Variants in ABI3BP observed in about 807,000 individuals in gnomAD.
ABI3BP encodes the protein target of Nesh-SH3.
In ABI3BP, 216 loss-of-function variants were observed where a neutral mutation model predicts 268.6. The observed-to-expected ratio is 0.80, with a 90% CI of 0.72 to 0.90. The LOEUF is 0.90. Among genes scored for constraint, ABI3BP ranks in the 40% least tolerant of loss-of-function variants. The pLI is 0.00. For synonymous variants in ABI3BP, 730 were observed against 730.0 expected (o/e 1.00, Z 0.00); for missense variants, 2,090 against 2,182.4 (o/e 0.96, Z 0.84).
At chr3:100,855,819 A>T (rs1281234857) in intron 14 of ABI3BP, among the ~76,000 whole-genome samples, 1 of 152,254 alleles carries the variant, frequency 6.6e-6, no homozygotes, top group Admixed American at 6.5e-5. Flanking sequence ...CTAGAGGAGA[A>T]AAACAATACC....
chr3:100,841,198 T>G (rs916974117), intron 21 of ABI3BP, among the ~76,000 whole-genome samples: 2 of 85,332 alleles, frequency 2.3e-5, no homozygotes, highest in African/African-American at 1.1e-4. Context: ...AGAACACTTT[T>G]TTTTTTTTTT....
chr3:100,962,413 CT>C (rs1246513132), intron 1 of ABI3BP, among the ~76,000 whole-genome samples: 2 of 151,958 alleles, frequency 1.3e-5, no homozygotes, highest in Non-Finnish European at 2.9e-5. Context: ...CAACTTGGTC[CT>C]CATCTTTGAC....
rs564174020 is a variant in ABI3BP, at chr3:100,958,151, TAAGACA to T, written c.80-31676_80-31671del. On this transcript the variant is annotated intron_variant, in intron 1 of 67. Transcript: ENST00000471714. Reference sequence around the variant, plus strand: ...TCCCTAATAGACTATATTCTGAATATAAGACAATGAGTTTCATTGTAAGTCTCACCT... The same window carrying T: ...TCCCTAATAGACTATATTCTGAATATATGAGTTTCATTGTAAGTCTCACCT... Among the ~76,000 whole-genome samples the T allele has an allele frequency of 1.2e-4, 19 of 152,356 alleles. No homozygotes were observed. The South Asian group carries it at 3.7e-3, about 30-fold the overall frequency.
chr3:100,846,523 C>T (rs2098770780), intron 19 of ABI3BP, 77 bp from the exon 20 acceptor site: 1 of 1,053,676 alleles, frequency 9.5e-7, no homozygotes, highest in Admixed American at 2.4e-5. Context: ...AGAAGGAAAA[C>T]CTAGAAATAA....
intron 28 of ABI3BP, among the ~76,000 whole-genome samples, 169 bp downstream of exon 28, chr3:100,835,432 T>C (rs1408344631): frequency 6.6e-6 from 1 of 152,176 alleles, no homozygotes; most frequent in Admixed American, 6.5e-5. Flanking sequence ...TATAACCAAG[T>C]AACTTGTTTT....
intron 51 of ABI3BP, among the ~76,000 whole-genome samples, chr3:100,800,049 T>G (rs2097481960): frequency 6.6e-6 from 1 of 152,164 alleles, no homozygotes; most frequent in African/African-American, 2.4e-5. Context: ...GTCACCCTTC[T>G]CTCCATAACA....
Position 100,779,604 on chromosome 3 carries a change from ACTCT to A in ABI3BP, c.4240+524_4240+527del, listed in dbSNP as rs138554435. ...TGCCTGGTATACTAGTAAGAGAAAG[ACTCT>A]CTCTCTCTCTCTCTCTCTCTCTCTA... On this transcript the variant is annotated intron_variant, in intron 58 of 67. Transcript: ENST00000471714. 9.1e-3 allele frequency among the ~76,000 whole-genome samples: 1,239 copies of A among 135,436 alleles called. 8 individuals are homozygous for A. The highest frequency in any genetic ancestry group is 0.016 in the African/African-American group (593 of 36,546). 88.9% of individuals were successfully genotyped at this position (135,436 alleles called of 152,430 possible).
intron 4 of ABI3BP, among the ~76,000 whole-genome samples, chr3:100,890,875 C>A (rs554759125): frequency 6.6e-6 from 1 of 152,026 alleles, no homozygotes; most frequent in Non-Finnish European, 1.5e-5. Flanking sequence ...AGTATATTTT[C>A]TTACATGAAT....
At chr3:100,817,611 A>G in intron 41 of ABI3BP, 116 bp from the exon 42 acceptor site, 1 of 695,178 alleles carries the variant, frequency 1.4e-6, no homozygotes, top group Non-Finnish European at 2.2e-6. Context: ...ATTTGGCCAA[A>G]CCATGGTCAG....
chr3:100,848,698 G>T, intron 18 of ABI3BP, 103 bp downstream of exon 18: 1 of 1,117,736 alleles, frequency 8.9e-7, no homozygotes, highest in South Asian at 1.3e-5. Flanking sequence ...AAGTGCTGGA[G>T]TTGCAGGTGT....
In ABI3BP at chr3:100,834,776, A is replaced by G; in HGVS notation, c.2192-3T>C. 1 of 1,535,512 alleles carries G rather than the reference A, an allele frequency of 6.5e-7. No individual in the cohort carries two copies. The highest frequency in any genetic ancestry group is 8.7e-7 in the Non-Finnish European group (1 of 1,146,420). ...TGTTCGTTGCGATGTTTTTGGAGCTAAAGAAAGGAAACTGGTTATTGTAGT... is the reference window on the plus strand; with the variant it reads ...TGTTCGTTGCGATGTTTTTGGAGCTGAAGAAAGGAAACTGGTTATTGTAGT... On this transcript the variant is annotated splice_polypyrimidine_tract_variant and splice_region_variant and intron_variant, in intron 28 of 67. Transcript: ENST00000471714.
At chr3:100,865,558 G>A (rs560410346) in intron 10 of ABI3BP, among the ~76,000 whole-genome samples, 1 of 152,150 alleles carries the variant, frequency 6.6e-6, no homozygotes. Context: ...GGAGAAATAA[G>A]AACTAAGATC....
chr3:100,865,719 C>G (rs1284588633), intron 10 of ABI3BP, among the ~76,000 whole-genome samples: 2 of 152,128 alleles, frequency 1.3e-5, no homozygotes, highest in African/African-American at 4.8e-5. Context: ...TGGCAGAGGA[C>G]TAAAAACATG....
At position 100,826,124 on chromosome 3, in the gene ABI3BP, G is replaced by C. The variant is rs191528432; in HGVS notation, c.2603-280C>G. ...TTCAACAGGACTGATGGACTCATAT[G>C]AAAGAGAGACATGAGCTGCACACAC... On this transcript the variant is annotated intron_variant, in intron 34 of 67. Transcript: ENST00000471714. Among the ~76,000 whole-genome samples the C allele has an allele frequency of 4.2e-3, 631 of 151,752 alleles. 5 individuals carry two copies. Among genetic ancestry groups the C allele is most frequent in the African/African-American group, 0.014 (601 of 41,538 alleles).
intron 44 of ABI3BP, 92 bp downstream of exon 44, chr3:100,815,820 A>G: frequency 4.9e-6 from 4 of 815,638 alleles, no homozygotes; most frequent in Non-Finnish European, 7.4e-6. Context: ...ACAGCGTCTT[A>G]GGAAGCAGAA....
chr3:100,841,902 A>T (rs1580046356), intron 21 of ABI3BP, 96 bp downstream of exon 21: 1 of 109,982 alleles, frequency 9.1e-6, no homozygotes, highest in Non-Finnish European at 1.3e-5. Context: ...TCTGGAGAAG[A>T]AAAAAAAAAA....
At chr3:100,833,204 T>G in intron 29 of ABI3BP, 47 bp from the exon 30 acceptor site, 2 of 1,480,856 alleles carry the variant, frequency 1.4e-6, no homozygotes, top group Non-Finnish European at 1.8e-6. Flanking sequence ...AAATAAATGT[T>G]AAACACACGA....
intron 29 of ABI3BP, among the ~76,000 whole-genome samples, chr3:100,833,446 T>A (rs1368231831): frequency 1.3e-5 from 2 of 152,194 alleles, no homozygotes; most frequent in Non-Finnish European, 1.5e-5. Context: ...CATCTAATAA[T>A]GTTATGTTTA....
At chr3:100,791,094 T>C (rs148807798) in intron 55 of ABI3BP, among the ~76,000 whole-genome samples, 3 of 152,016 alleles carry the variant, frequency 2.0e-5, no homozygotes, top group African/African-American at 7.2e-5. Context: ...ATTTTAAACA[T>C]AGTACAAGAG....
Sources: gnomAD v4.1 joint callset for allele counts (sites outside exome capture counted in the v4.1 genomes callset) on GRCh38, gnomAD v4.1.1 for gene constraint, MANE v1.5 for transcripts, NCBI Gene and HGNC (gene_info 2026-07-23, HGNC 2026-07-21) for gene names.